CREBBP: variants seen among roughly 807,000 people sequenced by gnomAD.
The protein encoded by CREBBP is CREB-binding protein.
A neutral mutation model predicts 265.0 loss-of-function variants in CREBBP; 19 were observed. That is an observed-to-expected ratio of 0.07 (90% CI 0.05 to 0.11). The LOEUF is 0.11. Among genes scored for constraint, CREBBP ranks in the 10% least tolerant of loss-of-function variants. CREBBP has a pLI of 1.00. For synonymous variants in CREBBP, 1,457 were observed against 1,223.7 expected (o/e 1.19, Z -3.98); for missense variants, 2,525 against 3,219.0 (o/e 0.78, Z 5.22).
intron 1 of CREBBP, among the ~76,000 whole-genome samples, chr16:3,877,588 C>T (rs186933741): frequency 6.6e-6 from 1 of 152,298 alleles, no homozygotes; most frequent in African/African-American, 2.4e-5. Context: ...ATTTTGAGTA[C>T]AGATGGGGTT....
chr16:3,802,203 C>T (rs2053731260), intron 3 of CREBBP, among the ~76,000 whole-genome samples: 1 of 127,198 alleles, frequency 7.9e-6, no homozygotes, highest in Non-Finnish European at 1.6e-5. Flanking sequence ...ATGATCTCGG[C>T]TCACTGCAAC....
intron 1 of CREBBP, among the ~76,000 whole-genome samples, chr16:3,855,747 C>T (rs1043870504): frequency 2.6e-5 from 4 of 152,150 alleles, no homozygotes; most frequent in African/African-American, 9.7e-5. Context: ...CAACATGCTT[C>T]TGAGGGTTCC....
intron 2 of CREBBP, among the ~76,000 whole-genome samples, chr16:3,819,830 AAACATAGAAGAACTG>A (rs2054107724): frequency 6.6e-6 from 1 of 152,240 alleles, no homozygotes; most frequent in Admixed American, 6.5e-5. Context: ...ATTTAAACCA[AAACATAGAAGAACTG>A]AACATGAAAG....
chr16:3,755,456 A>G (rs1262861755), intron 19 of CREBBP, among the ~76,000 whole-genome samples: 1 of 152,174 alleles, frequency 6.6e-6, no homozygotes, highest in African/African-American at 2.4e-5. Flanking sequence ...TGAAGATATC[A>G]TTAACTTTAT....
Position 3,729,279 on chromosome 16 carries a change from C to A in CREBBP, c.5768G>T (p.Ser1923Ile), listed in dbSNP as rs2151308404. ...PVSMSPAGFPSVARTQPPTTV... is the reference protein window; with the variant it reads ...PVSMSPAGFPIVARTQPPTTV... ...GGTGGGGGGCTGAGTCCGGGCCACGCTGGGGAAGCCAGCTGGTGACATGCT... is the reference window on the plus strand; with the variant it reads ...GGTGGGGGGCTGAGTCCGGGCCACGATGGGGAAGCCAGCTGGTGACATGCT... The change falls in exon 31 of 31, where the codon AGC becomes ATC. Residue 1923 changes from serine to isoleucine, a missense_variant. Ser to Ile is a moderately radical substitution (Grantham distance 142, BLOSUM62 -2). Around this residue, in one of 19 missense-constraint regions of CREBBP, gnomAD observed 275 missense variants for 276.5 expected, o/e 0.99. Transcript: ENST00000262367. The A allele has an allele frequency of 6.5e-7, 1 of 1,533,574 alleles. No individual in the cohort carries two copies. Among genetic ancestry groups the A allele is most frequent in the Non-Finnish European group, 8.7e-7 (1 of 1,144,304 alleles). The allele number at this position is 1,533,574 out of a possible 1,614,324, so 95.0% of individuals were successfully genotyped here.
chr16:3,843,425 T>TG (rs1804842524), intron 2 of CREBBP, among the ~76,000 whole-genome samples: 1 of 149,248 alleles, frequency 6.7e-6, no homozygotes, highest in Non-Finnish European at 1.5e-5. Flanking sequence ...TGTCAAAGAT[T>TG]TTTTTTTTTT....
intron 11 of CREBBP, 132 bp downstream of exon 11, chr16:3,777,481 T>C (rs1054319019): frequency 1.0e-6 from 1 of 969,064 alleles, no homozygotes; most frequent in Non-Finnish European, 1.7e-6. Flanking sequence ...AACTGAATTC[T>C]GCTTATCAGC....
At chr16:3,765,282 T>C (rs961985200) in intron 16 of CREBBP, among the ~76,000 whole-genome samples, 1 of 151,398 alleles carries the variant, frequency 6.6e-6, no homozygotes. Context: ...GGCCGCCTGG[T>C]ACATGTCTTT....
chr16:3,800,527 T>C (rs1389605352), intron 3 of CREBBP, among the ~76,000 whole-genome samples: 1 of 152,108 alleles, frequency 6.6e-6, no homozygotes, highest in Non-Finnish European at 1.5e-5. Context: ...AATTAACATA[T>C]ATGTGCCTTT....
At chr16:3,766,936 C>T (rs1317244866) in intron 16 of CREBBP, among the ~76,000 whole-genome samples, 1 of 152,172 alleles carries the variant, frequency 6.6e-6, no homozygotes, top group Non-Finnish European at 1.5e-5. Flanking sequence ...TCACTGTACT[C>T]CACACTCTCC....
chr16:3,848,111 A>T (rs1359451229), intron 2 of CREBBP, among the ~76,000 whole-genome samples: 1 of 151,910 alleles, frequency 6.6e-6, no homozygotes, highest in Non-Finnish European at 1.5e-5. Context: ...CGGAGGTTGC[A>T]GTGAGCCCAG....
intron 3 of CREBBP, among the ~76,000 whole-genome samples, chr16:3,803,410 CAGG>C (rs1272401536): frequency 1.3e-5 from 2 of 151,726 alleles, no homozygotes; most frequent in East Asian, 1.9e-4. Context: ...AAGGCTGAGG[CAGG>C]AGAATAGCTT....
intron 1 of CREBBP, among the ~76,000 whole-genome samples, chr16:3,871,230 CA>C (rs1597087101): frequency 6.6e-6 from 1 of 151,498 alleles, no homozygotes; most frequent in Non-Finnish European, 1.5e-5. Flanking sequence ...CACACACACA[CA>C]CACCCCACCC....
At position 3,852,864 on chromosome 16, in the gene CREBBP, C is replaced by CT. The variant is rs2054881479; in HGVS notation, c.86-1856dup. Among the ~76,000 whole-genome samples the CT allele has an allele frequency of 2.0e-5, 3 of 152,160 alleles. 1 individual carries two copies. The South Asian group carries it at 6.2e-4, about 32-fold the overall frequency. On this transcript the variant is annotated intron_variant, in intron 1 of 30. Coordinates refer to ENST00000262367, the MANE Select transcript of CREBBP (RefSeq NM_004380.3). ...GGTCTACACATGTCATCTCTACCCT[C>CT]TCATTTCCCACGCACTCTAACCCAC... is the stretch of plus-strand genomic sequence containing the variant.
intron 26 of CREBBP, among the ~76,000 whole-genome samples, chr16:3,737,442 T>A (rs976097719): frequency 6.7e-6 from 1 of 150,362 alleles, no homozygotes; most frequent in East Asian, 1.9e-4. Flanking sequence ...GAGGAACATT[T>A]TTTTTCTTTT....
chr16:3,744,754 A>T, intron 23 of CREBBP, 140 bp downstream of exon 23: 2 of 729,392 alleles, frequency 2.7e-6, no homozygotes. Context: ...AATACAAAGT[A>T]CTGGGGAAAA....
In CREBBP at chr16:3,773,867, T is replaced by A; in HGVS notation, c.2347A>T (p.Met783Leu). ...CTCTGAGCGGGCGCCTGGGCCATCATGTTGTTGGTGTGTGCACCCATCATG... is the reference window on the plus strand; with the variant it reads ...CTCTGAGCGGGCGCCTGGGCCATCAAGTTGTTGGTGTGTGCACCCATCATG... ...PNMMGAHTNN[M>L]MAQAPAQSQF... The change falls in exon 13 of 31, where the codon ATG becomes TTG. Residue 783 changes from methionine (M) to leucine (L), a missense_variant. Coordinates refer to ENST00000262367, the MANE Select transcript of CREBBP (RefSeq NM_004380.3). 1 of 1,612,342 alleles carries A rather than the reference T, an allele frequency of 6.2e-7. No homozygotes were observed. The highest frequency in any genetic ancestry group is 8.5e-7 in the Non-Finnish European group (1 of 1,180,026).
chr16:3,766,385 C>T (rs1026760982), intron 16 of CREBBP, among the ~76,000 whole-genome samples: 1 of 152,220 alleles, frequency 6.6e-6, no homozygotes, highest in African/African-American at 2.4e-5. Flanking sequence ...AATCACAACA[C>T]AGTAAATGCA....
chr16:3,742,558 G>A (rs2052242889), intron 23 of CREBBP: 1 of 152,190 alleles, frequency 6.6e-6, no homozygotes, highest in Admixed American at 6.5e-5. Context: ...TCTTTTTAAG[G>A]AAGGCTTTTC....
Sources: allele counts gnomAD v4.1 joint callset (sites outside exome capture counted in the v4.1 genomes callset), GRCh38; gene constraint gnomAD v4.1.1; regional missense constraint gnomAD v4.1.1; transcripts MANE v1.5; gene names NCBI Gene and HGNC (gene_info 2026-07-23, HGNC 2026-07-21).